PRLR: variants seen among roughly 807,000 people sequenced by gnomAD.
PRLR encodes the protein prolactin receptor.
Under a neutral mutation model 40.2 loss-of-function variants are expected in PRLR, and 13 were observed. The ratio of observed to expected loss-of-function variants is 0.32; its 90% confidence interval spans 0.21 to 0.51. The LOEUF is 0.51. Among genes scored for constraint, PRLR ranks in the 20% least tolerant of loss-of-function variants. PRLR has a pLI of 0.97. For synonymous variants in PRLR, 269 were observed against 278.7 expected (o/e 0.97, Z 0.35); for missense variants, 656 against 747.3 (o/e 0.88, Z 1.42).
chr5:35,224,809 T>C (rs1358378529), intron 1 of PRLR, among the ~76,000 whole-genome samples: 2 of 152,176 alleles, frequency 1.3e-5, no homozygotes, highest in Non-Finnish European at 2.9e-5. Flanking sequence ...TCAGAGGCTT[T>C]CTCCAGCAAT....
At chr5:35,197,005 C>T (rs779363947) in intron 1 of PRLR, among the ~76,000 whole-genome samples, 7 of 152,054 alleles carry the variant, frequency 4.6e-5, no homozygotes, top group Non-Finnish European at 1.0e-4. Flanking sequence ...ATGAAGCCTC[C>T]CAAAGGCTCC....
chr5:35,171,401 G>A (rs937801200), intron 1 of PRLR, among the ~76,000 whole-genome samples: 1 of 152,180 alleles, frequency 6.6e-6, no homozygotes, highest in South Asian at 2.1e-4. Flanking sequence ...GTGAGCTAAT[G>A]GCTCCTACAG....
At chr5:35,146,777 C>A (rs1270854425) in intron 1 of PRLR, among the ~76,000 whole-genome samples, 2 of 152,160 alleles carry the variant, frequency 1.3e-5, no homozygotes, top group East Asian at 1.9e-4. Context: ...ATTACCCAGG[C>A]AATCAGGTCA....
intron 2 of PRLR, among the ~76,000 whole-genome samples, chr5:35,117,638 G>A (rs983325870): frequency 9.2e-5 from 14 of 152,146 alleles, no homozygotes; most frequent in African/African-American, 2.7e-4. Flanking sequence ...GTAACATTAC[G>A]GGGCCCAGAA....
intron 1 of PRLR, among the ~76,000 whole-genome samples, chr5:35,147,302 T>C (rs1774209556): frequency 6.6e-6 from 1 of 152,208 alleles, no homozygotes; most frequent in Admixed American, 6.5e-5. Context: ...ATGAGCAATA[T>C]CATTGCCACT....
At chr5:35,102,584 C>T (rs1363042640) in intron 2 of PRLR, among the ~76,000 whole-genome samples, 4 of 140,324 alleles carry the variant, frequency 2.9e-5, no homozygotes, top group African/African-American at 1.0e-4. Flanking sequence ...GCTCTGTTGC[C>T]CAGGCTGGAG....
At chr5:35,075,171 G>T (rs1769997552) in intron 5 of PRLR, among the ~76,000 whole-genome samples, 1 of 152,188 alleles carries the variant, frequency 6.6e-6, no homozygotes, top group Non-Finnish European at 1.5e-5. Context: ...GAGGTACCAG[G>T]TTCATCTCAC....
At chr5:35,160,903 C>G (rs796811324) in intron 1 of PRLR, among the ~76,000 whole-genome samples, 8 of 152,332 alleles carry the variant, frequency 5.3e-5, no homozygotes, top group African/African-American at 1.9e-4. Flanking sequence ...AGCCCACAAG[C>G]CTTCGATAAG....
intron 1 of PRLR, among the ~76,000 whole-genome samples, chr5:35,157,362 A>T (rs1440858717): frequency 6.6e-6 from 1 of 152,180 alleles, no homozygotes; most frequent in Non-Finnish European, 1.5e-5. Flanking sequence ...GGGAGTGGAC[A>T]TCAGGATACT....
chr5:35,120,216 TACC>T (rs2111725883), intron 1 of PRLR, among the ~76,000 whole-genome samples: 1 of 152,250 alleles, frequency 6.6e-6, no homozygotes, highest in African/African-American at 2.4e-5. Flanking sequence ...GTGTATCTTT[TACC>T]ACAAGACTAG....
chr5:35,149,214 G>A (rs914761856), intron 1 of PRLR, among the ~76,000 whole-genome samples: 29 of 152,192 alleles, frequency 1.9e-4, no homozygotes, highest in Non-Finnish European at 1.3e-4. Flanking sequence ...AAAGACCCAA[G>A]ATTTATTACT....
rs1768977513 is a variant in PRLR at position 35,060,577 on chromosome 5, G to A, written c.*4512C>T. ...ACAAGTAAGGAACCTGATGGCCAGA[G>A]TTTAAAAGACTCATCCCAGGACATA... On this transcript the variant is annotated 3_prime_UTR_variant, in exon 10 of 10. Coordinates refer to ENST00000618457, the MANE Select transcript of PRLR (RefSeq NM_000949.7). 2 of 152,174 alleles carry A rather than the reference G, an allele frequency of 1.3e-5. No individual in the cohort carries two copies. Among genetic ancestry groups the A allele is most frequent in the Non-Finnish European group, 2.9e-5 (2 of 68,026 alleles). 9.4% of individuals were successfully genotyped at this position (152,174 alleles called of 1,614,324 possible).
intron 1 of PRLR, among the ~76,000 whole-genome samples, chr5:35,211,566 A>G (rs1776167736): frequency 6.6e-6 from 1 of 152,224 alleles, no homozygotes; most frequent in African/African-American, 2.4e-5. Context: ...TACCATAATA[A>G]TGTAAAATCC....
chr5:35,091,883 A>G (rs1771236436), intron 2 of PRLR, among the ~76,000 whole-genome samples: 1 of 152,322 alleles, frequency 6.6e-6, no homozygotes, highest in Non-Finnish European at 1.5e-5. Flanking sequence ...AAGACTTTCT[A>G]TAATATCCCT....
intron 1 of PRLR, among the ~76,000 whole-genome samples, chr5:35,166,468 T>C (rs12523281): frequency 0.11 from 17,049 of 152,156 alleles, 1,074 homozygotes; most frequent in Non-Finnish European, 0.12. Flanking sequence ...TCTTTATTTT[T>C]TTCAAATTTC....
chr5:35,092,464 T>C (rs16871732), intron 2 of PRLR, among the ~76,000 whole-genome samples: 6,750 of 152,314 alleles, frequency 0.044, 489 homozygotes, highest in African/African-American at 0.15. Context: ...CACAAGGAGA[T>C]GCTTCTCAGC....
intron 1 of PRLR, among the ~76,000 whole-genome samples, chr5:35,140,695 C>T (rs1773997123): frequency 6.6e-6 from 1 of 152,180 alleles, no homozygotes; most frequent in Non-Finnish European, 1.5e-5. Context: ...TAATGCAAAG[C>T]AGAAAAACAT....
At chr5:35,156,666 G>T (rs552645306) in intron 1 of PRLR, among the ~76,000 whole-genome samples, 5 of 152,252 alleles carry the variant, frequency 3.3e-5, no homozygotes, top group South Asian at 4.1e-4. Context: ...TGTCTACAAT[G>T]CTCTTCCTCA....
intron 1 of PRLR, among the ~76,000 whole-genome samples, chr5:35,217,191 C>A (rs952498098): frequency 1.2e-4 from 19 of 152,176 alleles, no homozygotes; most frequent in Non-Finnish European, 2.9e-5. Flanking sequence ...ATACCTCCAG[C>A]CTCCTGAAAG....
Sources: allele counts gnomAD v4.1 joint callset (sites outside exome capture counted in the v4.1 genomes callset), GRCh38; gene constraint gnomAD v4.1.1; transcripts MANE v1.5; gene names NCBI Gene and HGNC (gene_info 2026-07-23, HGNC 2026-07-21).